PLEKHH2: variants seen among roughly 807,000 people sequenced by gnomAD.
PLEKHH2 encodes pleckstrin homology, MyTH4 and FERM domain containing H2.
PLEKHH2 carries 129 observed loss-of-function variants against 187.9 expected under a neutral mutation model. The observed-to-expected ratio is 0.69, with a 90% CI of 0.59 to 0.79. The LOEUF (loss-of-function observed/expected upper bound fraction) is 0.79. Among genes scored for constraint, PLEKHH2 ranks in the 30% least tolerant of loss-of-function variants. The probability of loss-of-function intolerance (pLI) is 0.00; values close to 1 mark genes in which losing one functional copy is unlikely to be tolerated. For missense variants in PLEKHH2, 2,076 were observed against 1,751.2 expected (o/e 1.19, Z -3.31); for synonymous variants, 686 against 605.6 (o/e 1.13, Z -1.95).
intron 2 of PLEKHH2, among the ~76,000 whole-genome samples, chr2:43,666,237 C>T (rs538348235): frequency 3.3e-5 from 5 of 150,880 alleles, no homozygotes; most frequent in African/African-American, 9.9e-5. Context: ...ACCCGATTTT[C>T]CAGGTGCATC....
intron 3 of PLEKHH2, among the ~76,000 whole-genome samples, chr2:43,684,375 A>G (rs1668389429): frequency 6.6e-6 from 1 of 151,742 alleles, no homozygotes; most frequent in African/African-American, 2.4e-5. Context: ...CTCTCCTTTA[A>G]CTGCCCATAT....
chr2:43,667,250 C>T (rs1174675970), intron 2 of PLEKHH2, among the ~76,000 whole-genome samples: 6 of 152,152 alleles, frequency 3.9e-5, no homozygotes, highest in Admixed American at 6.5e-5. Context: ...GACATCTTTT[C>T]ATACTCACTA....
intron 2 of PLEKHH2, among the ~76,000 whole-genome samples, chr2:43,646,039 T>A (rs1666169491): frequency 1.3e-5 from 2 of 152,170 alleles, no homozygotes; most frequent in African/African-American, 4.8e-5. Flanking sequence ...TCTCAAACTT[T>A]TGGGCTTTAA....
At chr2:43,759,497 A>C (rs184729026) in intron 27 of PLEKHH2, among the ~76,000 whole-genome samples, 5 of 152,198 alleles carry the variant, frequency 3.3e-5, no homozygotes, top group African/African-American at 9.7e-5. Context: ...AAATATCACT[A>C]TGAGTCACAT....
intron 11 of PLEKHH2, among the ~76,000 whole-genome samples, chr2:43,709,761 A>G (rs1180604404): frequency 6.6e-6 from 1 of 152,154 alleles, no homozygotes; most frequent in South Asian, 2.1e-4. Flanking sequence ...GCTTGAACCC[A>G]GGAGGCAGAG....
At chr2:43,652,093 G>A (rs972308440) in intron 2 of PLEKHH2, among the ~76,000 whole-genome samples, 4 of 152,118 alleles carry the variant, frequency 2.6e-5, no homozygotes, top group African/African-American at 7.2e-5. Context: ...TCTGCTGGGC[G>A]GTGAGGTCAT....
intron 15 of PLEKHH2, among the ~76,000 whole-genome samples, chr2:43,715,883 C>T (rs1037157800): frequency 1.3e-5 from 2 of 152,064 alleles, no homozygotes; most frequent in Non-Finnish European, 2.9e-5. Flanking sequence ...CATCAGCATA[C>T]ATGTGGCAAT....
At chr2:43,649,806 A>G (rs1447513970) in intron 2 of PLEKHH2, among the ~76,000 whole-genome samples, 1 of 152,236 alleles carries the variant, frequency 6.6e-6, no homozygotes, top group African/African-American at 2.4e-5. Context: ...AAAGTCAGGA[A>G]GAGAGACACG....
intron 3 of PLEKHH2, chr2:43,679,493 CCTTTTTTTT>C: frequency 3.1e-6 from 1 of 321,172 alleles, no homozygotes. Context: ...TGATTTTTTC[CCTTTTTTTT>C]TTTTTTTTTT....
chr2:43,654,996 A>C (rs1666681257), intron 2 of PLEKHH2, among the ~76,000 whole-genome samples: 1 of 151,948 alleles, frequency 6.6e-6, no homozygotes. Context: ...ATGCCACTGC[A>C]CTCCAGCATG....
In PLEKHH2 at chr2:43,731,522, C is replaced by A; in HGVS notation, c.2863C>A (p.His955Asn). The A allele has an allele frequency of 6.2e-7, 1 of 1,605,156 alleles. No homozygotes were observed. The highest frequency in any genetic ancestry group is 8.5e-7 in the Non-Finnish European group (1 of 1,172,372). The change falls in exon 19 of 30, where the codon CAC becomes AAC. Residue 955 changes from histidine (H) to asparagine (N), a missense_variant. By Grantham distance (68) the His-to-Asn change is moderately conservative. Transcript: ENST00000282406. ...SQIWRHPTLC[H>N]SKEGIISPLT... ...GATATGGAGACACCCCACTTTGTGT[C>A]ACAGTAAAGAAGGAATCATTTCCCC... is the stretch of plus-strand genomic sequence containing the variant.
chr2:43,689,021 C>G (rs1668664283), intron 3 of PLEKHH2, among the ~76,000 whole-genome samples: 2 of 152,156 alleles, frequency 1.3e-5, no homozygotes, highest in South Asian at 4.1e-4. Flanking sequence ...AAAACAGGCA[C>G]TCACCATAAG....
intron 25 of PLEKHH2, among the ~76,000 whole-genome samples, chr2:43,756,016 G>T (rs1007754803): frequency 3.3e-5 from 5 of 152,076 alleles, no homozygotes; most frequent in African/African-American, 4.8e-5. Flanking sequence ...TACATGCAAG[G>T]ACTTTCAAGA....
intron 18 of PLEKHH2, among the ~76,000 whole-genome samples, chr2:43,731,158 C>T (rs1671018352): frequency 6.6e-6 from 1 of 152,110 alleles, no homozygotes; most frequent in African/African-American, 2.4e-5. Flanking sequence ...TGAGGCAAAT[C>T]AGTTTCAGTA....
chr2:43,760,747 C>T (rs184739215), intron 27 of PLEKHH2, among the ~76,000 whole-genome samples: 2 of 150,278 alleles, frequency 1.3e-5, no homozygotes, highest in East Asian at 2.0e-4. Flanking sequence ...TTCATCTAAA[C>T]ACTTTTTTAT....
At chr2:43,695,674 A>G (rs1290434766) in intron 6 of PLEKHH2, among the ~76,000 whole-genome samples, 2 of 152,182 alleles carry the variant, frequency 1.3e-5, no homozygotes, top group Non-Finnish European at 2.9e-5. Flanking sequence ...GTAGTTCTGT[A>G]TCTCCCTGTT....
intron 21 of PLEKHH2, among the ~76,000 whole-genome samples, chr2:43,741,891 T>G (rs1331047899): frequency 1.3e-5 from 2 of 152,220 alleles, no homozygotes; most frequent in Non-Finnish European, 2.9e-5. Context: ...AAGATTTCTA[T>G]CCAACTTTTA....
At chr2:43,740,888 A>G (rs1671531632) in intron 20 of PLEKHH2, 58 bp from the exon 21 acceptor site, 6 of 1,592,622 alleles carry the variant, frequency 3.8e-6, no homozygotes, top group Non-Finnish European at 5.1e-6. Context: ...GCACTCACTC[A>G]GATGTGGATC....
intron 18 of PLEKHH2, among the ~76,000 whole-genome samples, chr2:43,730,619 G>A (rs1199084593): frequency 2.6e-5 from 4 of 152,028 alleles, no homozygotes; most frequent in South Asian, 2.1e-4. Context: ...GGTTGGTCTC[G>A]AACTCCTGAG....
Sources: gnomAD v4.1 joint callset for allele counts (sites outside exome capture counted in the v4.1 genomes callset) on GRCh38, gnomAD v4.1.1 for gene constraint, MANE v1.5 for transcripts, NCBI Gene and HGNC (gene_info 2026-07-23, HGNC 2026-07-21) for gene names.